Variants in SGCD observed in about 807,000 individuals in gnomAD.
The protein encoded by SGCD is sarcoglycan delta.
Under a neutral mutation model 36.6 loss-of-function variants are expected in SGCD, and 18 were observed. The observed-to-expected ratio is 0.49, with a 90% confidence interval of 0.34 to 0.73. The LOEUF (loss-of-function observed/expected upper bound fraction) is 0.73. Among genes scored for constraint, SGCD ranks in the 30% least tolerant of loss-of-function variants. The pLI is 0.01. For synonymous variants in SGCD, 133 were observed against 130.6 expected (o/e 1.02, Z -0.12); for missense variants, 387 against 346.7 (o/e 1.12, Z -0.92).
At chr5:156,424,601 C>T (rs960876473) in intron 3 of SGCD, among the ~76,000 whole-genome samples, 1 of 152,002 alleles carries the variant, frequency 6.6e-6, no homozygotes, top group African/African-American at 2.4e-5. Flanking sequence ...GAGATAAATA[C>T]ATTTATTTAT....
intron 4 of SGCD, among the ~76,000 whole-genome samples, chr5:156,576,072 C>T (rs1759932653): frequency 6.6e-6 from 1 of 152,028 alleles, no homozygotes; most frequent in African/African-American, 2.4e-5. Context: ...TATTCCTCCC[C>T]CTGCCCCCCA....
chr5:156,223,958 C>T (rs904341932), intron 3 of SGCD, among the ~76,000 whole-genome samples: 4 of 151,598 alleles, frequency 2.6e-5, no homozygotes, highest in Admixed American at 2.0e-4. Flanking sequence ...TTAATGAATC[C>T]AATTATGATC....
intron 3 of SGCD, among the ~76,000 whole-genome samples, chr5:156,381,578 A>G (rs950748077): frequency 2.4e-5 from 2 of 81,802 alleles, no homozygotes; most frequent in Non-Finnish European, 4.2e-5. Context: ...GTAAACATAC[A>G]TGTGCATATT....
At chr5:156,455,969 C>A (rs1422185661) in intron 3 of SGCD, among the ~76,000 whole-genome samples, 1 of 152,062 alleles carries the variant, frequency 6.6e-6, no homozygotes, top group Non-Finnish European at 1.5e-5. Flanking sequence ...TGGCCAGAAG[C>A]GAGGGAGAAG....
At position 156,552,876 on chromosome 5, in the gene SGCD, G is replaced by A. The variant is rs545796904; in HGVS notation, c.295-36355G>A. Among the ~76,000 whole-genome samples, 4 of 152,146 alleles carry A rather than the reference G, an allele frequency of 2.6e-5. No individual in the cohort carries two copies. In the South Asian group the frequency reaches 8.3e-4, roughly 32 times the overall value. ...CGTCCCAAATCTAACTTCATCTTTA[G>A]CTCCTTCCACCTTAAAGAGTATGGT... On this transcript the variant is annotated intron_variant, in intron 4 of 8. Coordinates refer to ENST00000337851, the MANE Select transcript of SGCD (RefSeq NM_000337.6).
At chr5:156,625,502 T>G (rs1762406068) in intron 6 of SGCD, among the ~76,000 whole-genome samples, 1 of 152,332 alleles carries the variant, frequency 6.6e-6, no homozygotes, top group African/African-American at 2.4e-5. Context: ...GTGACAGAGT[T>G]CCAGAGTGAT....
intron 3 of SGCD, among the ~76,000 whole-genome samples, chr5:156,195,413 T>G (rs1043475753): frequency 2.6e-5 from 4 of 152,214 alleles, no homozygotes; most frequent in Non-Finnish European, 4.4e-5. Context: ...CATCTAAATG[T>G]TAGATGATAT....
At position 155,891,904 on chromosome 5, in the gene SGCD, G is replaced by A. The variant is rs373419317; in HGVS notation, c.-282+21480G>A. ...GCATTAGGACATACATCTTCTTCTC[G>A]AATTTCTCTTGAGAATTATAGAAGT... On this transcript the variant is annotated intron_variant, in intron 1 of 9. Transcript: ENST00000517913. 1.4e-4 allele frequency among the ~76,000 whole-genome samples: 22 copies of A among 152,116 alleles called. No homozygotes were observed. The East Asian group carries it at 1.7e-3, about 12-fold the overall frequency.
chr5:156,600,082 T>C (rs1474725455), intron 6 of SGCD, among the ~76,000 whole-genome samples: 1 of 152,246 alleles, frequency 6.6e-6, no homozygotes, highest in African/African-American at 2.4e-5. Flanking sequence ...GATTTTTTGA[T>C]ACATCTCCAT....
chr5:156,713,413 G>GC (rs1349747663), intron 7 of SGCD, among the ~76,000 whole-genome samples: 1 of 149,386 alleles, frequency 6.7e-6, no homozygotes, highest in African/African-American at 2.5e-5. Flanking sequence ...AACATGTCGG[G>GC]GGGGGCGTTA....
chr5:156,737,143 C>T (rs774513362), intron 7 of SGCD, among the ~76,000 whole-genome samples: 1 of 152,188 alleles, frequency 6.6e-6, no homozygotes, highest in African/African-American at 2.4e-5. Flanking sequence ...CACCCAGAGT[C>T]TCTTGACACA....
intron 3 of SGCD, among the ~76,000 whole-genome samples, chr5:156,482,224 A>G (rs1486701065): frequency 6.6e-6 from 1 of 152,134 alleles, no homozygotes; most frequent in Non-Finnish European, 1.5e-5. Flanking sequence ...AAAGATCACT[A>G]TGATTTCAGT....
chr5:156,624,311 G>T (rs1762362445), intron 6 of SGCD, among the ~76,000 whole-genome samples: 1 of 152,182 alleles, frequency 6.6e-6, no homozygotes, highest in Non-Finnish European at 1.5e-5. Context: ...GCCAGGCGCG[G>T]TGGCTCATGC....
intron 4 of SGCD, among the ~76,000 whole-genome samples, chr5:156,512,363 A>T (rs1413374420): frequency 6.6e-6 from 1 of 152,146 alleles, no homozygotes; most frequent in Non-Finnish European, 1.5e-5. Flanking sequence ...CTATGTTTAG[A>T]TAGATACTTC....
intron 3 of SGCD, among the ~76,000 whole-genome samples, chr5:156,157,454 A>G (rs1762990093): frequency 6.6e-6 from 1 of 151,756 alleles, no homozygotes; most frequent in Non-Finnish European, 1.5e-5. Flanking sequence ...CTGTCCACCA[A>G]CATTCTTTAG....
intron 3 of SGCD, among the ~76,000 whole-genome samples, chr5:156,225,146 G>A (rs1395721040): frequency 6.6e-6 from 1 of 152,076 alleles, no homozygotes; most frequent in Non-Finnish European, 1.5e-5. Context: ...CACTACCTAG[G>A]TGTCAGAGGG....
chr5:155,755,105 A>G, the SGCD span, among the ~76,000 whole-genome samples: 78 of 152,264 alleles, frequency 5.1e-4, no homozygotes, highest in African/African-American at 1.9e-3. Context: ...CTGATGCTAC[A>G]TTTTCCTAGA....
At chr5:156,219,640 T>C (rs1223253390) in intron 3 of SGCD, among the ~76,000 whole-genome samples, 3 of 148,352 alleles carry the variant, frequency 2.0e-5, no homozygotes, top group Non-Finnish European at 4.4e-5. Flanking sequence ...TAATACTTTA[T>C]TGAGGTCATA....
At chr5:156,330,445 C>T (rs1768016941) in intron 2 of SGCD, among the ~76,000 whole-genome samples, 1 of 152,108 alleles carries the variant, frequency 6.6e-6, no homozygotes, top group Non-Finnish European at 1.5e-5. Flanking sequence ...GTAAGATGAT[C>T]TGATACCTCT....
Sources: allele counts gnomAD v4.1 joint callset (sites outside exome capture counted in the v4.1 genomes callset), GRCh38; gene constraint gnomAD v4.1.1; transcripts MANE v1.5; gene names NCBI Gene and HGNC (gene_info 2026-07-23, HGNC 2026-07-21).